EVI5L: variants seen among roughly 807,000 people sequenced by gnomAD.
EVI5L encodes the protein ecotropic viral integration site 5 like.
EVI5L carries 30 observed loss-of-function variants against 106.1 expected under a neutral mutation model. The observed-to-expected ratio is 0.28, with a 90% CI of 0.21 to 0.38. The LOEUF (loss-of-function observed/expected upper bound fraction) is 0.38. Ranked by LOEUF, EVI5L falls within the 10% of genes least tolerant of loss-of-function variation. The probability of loss-of-function intolerance (pLI) is 1.00; values close to 1 mark genes in which losing one functional copy is unlikely to be tolerated. For synonymous variants in EVI5L, 489 were observed against 483.3 expected (o/e 1.01, Z -0.15); for missense variants, 809 against 1,098.0 (o/e 0.74, Z 3.72).
At position 7,835,235 on chromosome 19, in the gene EVI5L, C is replaced by T. The variant is rs1030074159; in HGVS notation, c.-48+4854C>T. ...AGAAAGTGGTAGAGGAGGCCAGGAG[C>T]GGTGGCTCACACCTGTAATCCCAGT... is the stretch of plus-strand genomic sequence containing the variant. On this transcript the variant is annotated intron_variant, in intron 1 of 19. Coordinates refer to ENST00000538904, the MANE Select transcript of EVI5L (RefSeq NM_001159944.3). The surrounding 1 kb of genome is among the most constrained non-coding windows in gnomAD (Gnocchi z 4.1). 9.2e-5 allele frequency among the ~76,000 whole-genome samples: 14 copies of T among 152,118 alleles called. No individual in the cohort carries two copies. The highest frequency in any genetic ancestry group is 1.6e-4 in the Non-Finnish European group (11 of 67,998).
In EVI5L at chr19:7,846,483, C is replaced by T. The variant is rs1429141520; in HGVS notation, c.-47-13C>T. On this transcript the variant is annotated splice_polypyrimidine_tract_variant and intron_variant, in intron 1 of 19. Coordinates refer to ENST00000538904, the MANE Select transcript of EVI5L (RefSeq NM_001159944.3). ...CCCACCCAATGCCGACCACGCATGTCTCTGGCCCCCAGACAGAGCTGTGAA... is the reference window on the plus strand; with the variant it reads ...CCCACCCAATGCCGACCACGCATGTTTCTGGCCCCCAGACAGAGCTGTGAA... 1.3e-6 allele frequency: 2 copies of T among 1,545,066 alleles called. No homozygotes were observed. Among genetic ancestry groups the T allele is most frequent in the Non-Finnish European group, 1.7e-6 (2 of 1,145,954 alleles).
At chr19:7,851,106 C>G (rs1979228217) in intron 6 of EVI5L, among the ~76,000 whole-genome samples, 2 of 152,100 alleles carry the variant, frequency 1.3e-5, no homozygotes, top group Non-Finnish European at 2.9e-5. Flanking sequence ...GGGAGTGACC[C>G]AACTCCCCCA....
rs1979340821 is a variant in EVI5L, at chr19:7,853,133, G to A, written c.1035G>A (p.Lys345=). The A allele has an allele frequency of 6.2e-7, 1 of 1,613,886 alleles. No homozygotes were observed. The highest frequency in any genetic ancestry group is 1.7e-5 in the Admixed American group (1 of 60,008). ...ACCAGTTCGACAGCTGCCCGGACAA[G>A]CTGGTCCTCAAAGCCTACCAGGTCA... ...IPHQFDSCPD[K]LVLKAYQVKY... Residue 345 remains lysine (K), a synonymous_variant, in exon 9 of 20, where the codon AAG becomes AAA. Coordinates refer to ENST00000538904, the MANE Select transcript of EVI5L (RefSeq NM_001159944.3).
Position 7,861,889 on chromosome 19 carries a change from G to A in EVI5L, c.1515G>A (p.Ser505=), listed in dbSNP as rs945115152. Reference sequence around the variant, plus strand: ...CACTCTTCCCGCAGAGGAACAGCTCGCTGCCCGACGAGAACAATGTGGCGC... The same window carrying A: ...CACTCTTCCCGCAGAGGAACAGCTCACTGCCCGACGAGAACAATGTGGCGC... ...KVLDMEKRNS[S]LPDENNVAQL... Residue 505 remains serine, a synonymous_variant, in exon 15 of 20, where the codon TCG becomes TCA. Transcript: ENST00000538904. 3 of 1,550,838 alleles carry A rather than the reference G, an allele frequency of 1.9e-6. No individual in the cohort carries two copies. The highest frequency in any genetic ancestry group is 1.7e-4 in the Middle Eastern group (1 of 5,986).
rs1963265903 is a variant in EVI5L, at chr19:7,848,786, A to T, written c.328-135A>T. The T allele has an allele frequency of 1.3e-6, 1 of 795,198 alleles. No individual in the cohort carries two copies. Among genetic ancestry groups the T allele is most frequent in the African/African-American group, 1.7e-5 (1 of 57,462 alleles). 49.3% of individuals were successfully genotyped at this position (795,198 alleles called of 1,614,324 possible). On this transcript the variant is annotated intron_variant, in intron 3 of 19. Transcript: ENST00000538904. The surrounding 1 kb of genome is among the most constrained non-coding windows in gnomAD (Gnocchi z 4.8). ...CCTGTCTCTGAAAAAAGGGGGTAAA[A>T]AAAGGATTGGGGACCATGAGTTCTG...
At chr19:7,862,361 T>G (rs768411661) in intron 16 of EVI5L, 27 bp from the exon 17 acceptor site, 7 of 1,585,030 alleles carry the variant, frequency 4.4e-6, no homozygotes, top group South Asian at 1.1e-5. Flanking sequence ...GCCGCCGTCC[T>G]CCGTCCTCCC....
intron 1 of EVI5L, among the ~76,000 whole-genome samples, chr19:7,843,110 GGT>G (rs148644716): frequency 0.081 from 11,988 of 147,658 alleles, 513 homozygotes; most frequent in East Asian, 0.1. Flanking sequence ...AATAGGCATG[GGT>G]GTGTGTGTCA....
rs1416353773 is a variant in EVI5L at position 7,858,506 on chromosome 19, C to T, written c.1374+175C>T. Reference sequence around the variant, plus strand: ...CGCAGATTCTCCCCCAGCAGCTCCACATTCTGAGACATCCTGATATCCATT... The same window carrying T: ...CGCAGATTCTCCCCCAGCAGCTCCATATTCTGAGACATCCTGATATCCATT... On this transcript the variant is annotated intron_variant, in intron 13 of 19. Transcript: ENST00000538904. This position sits in a 1 kb window ranked among gnomAD's most constrained non-coding sequence, Gnocchi z 5.7. 2 of 759,028 alleles carry T rather than the reference C, an allele frequency of 2.6e-6. No homozygotes were observed. The highest frequency in any genetic ancestry group is 1.8e-5 in the African/African-American group (1 of 56,518). The allele number at this position is 759,028 out of a possible 1,614,324, so 47.0% of individuals were successfully genotyped here.
Position 7,856,212 on chromosome 19 carries a change from C to T in EVI5L, c.1200+144C>T, listed in dbSNP as rs762901313. The T allele has an allele frequency of 1.2e-5, 9 of 766,922 alleles. No homozygotes were observed. The highest frequency in any genetic ancestry group is 3.3e-5 in the East Asian group (1 of 30,010). 47.5% of individuals were successfully genotyped at this position (766,922 alleles called of 1,614,324 possible). Reference sequence around the variant, plus strand: ...AGCCCTACCTTCCTGCCCCAGGACCCGACCTGAACCCGATTTGGAGTGCCC... The same window carrying T: ...AGCCCTACCTTCCTGCCCCAGGACCTGACCTGAACCCGATTTGGAGTGCCC... On this transcript the variant is annotated intron_variant, in intron 11 of 19. Transcript: ENST00000538904. This position sits in a 1 kb window ranked among gnomAD's most constrained non-coding sequence, Gnocchi z 6.6.
chr19:7,844,879 G>A (rs11672003), intron 1 of EVI5L, among the ~76,000 whole-genome samples: 32,591 of 152,058 alleles, frequency 0.21, 4,430 homozygotes, highest in South Asian at 0.33. Flanking sequence ...AAAGAATGGC[G>A]CACCTCCCCC....
chr19:7,847,288 G>T (rs558376512), intron 2 of EVI5L, among the ~76,000 whole-genome samples: 1 of 150,532 alleles, frequency 6.6e-6, no homozygotes, highest in Non-Finnish European at 1.5e-5. Flanking sequence ...GCAAAACTCC[G>T]TCTCAAAAAA....
intron 1 of EVI5L, among the ~76,000 whole-genome samples, chr19:7,836,555 ACT>A (rs1978350974): frequency 6.6e-6 from 1 of 151,362 alleles, no homozygotes; most frequent in Non-Finnish European, 1.5e-5. Flanking sequence ...TAGTCAAGGG[ACT>A]CTCTGTGCCA....
rs1036418292 is a variant in EVI5L at position 7,845,930 on chromosome 19, C to T, written c.-47-566C>T. 1.3e-5 allele frequency among the ~76,000 whole-genome samples: 2 copies of T among 152,242 alleles called. No homozygotes were observed. Among genetic ancestry groups the T allele is most frequent in the African/African-American group, 4.8e-5 (2 of 41,454 alleles). Reference sequence around the variant, plus strand: ...CTTCTCAACCCAAGGGGAGTCGACTCTTCTGGCCATTGGCAGCGCCAGACA... The same window carrying T: ...CTTCTCAACCCAAGGGGAGTCGACTTTTCTGGCCATTGGCAGCGCCAGACA... On this transcript the variant is annotated intron_variant, in intron 1 of 19. Transcript: ENST00000538904. The surrounding 1 kb of genome is among the most constrained non-coding windows in gnomAD (Gnocchi z 4.0).
chr19:7,858,374 G>A lies in EVI5L; in HGVS notation c.1374+43G>A, dbSNP rs200862230. ...GGGCTGCTGGGCGGGGCCATGACCC[G>A]CGCCCCCGCCCCCGCCCAACGGTTT... is the stretch of plus-strand genomic sequence containing the variant. On this transcript the variant is annotated intron_variant, in intron 13 of 19. Coordinates refer to ENST00000538904, the MANE Select transcript of EVI5L (RefSeq NM_001159944.3). This position sits in a 1 kb window ranked among gnomAD's most constrained non-coding sequence, Gnocchi z 5.7. The A allele has an allele frequency of 5.3e-6, 8 of 1,512,084 alleles. No individual in the cohort carries two copies. The African/African-American group carries it at 5.6e-5, about 11-fold the overall frequency. 93.7% of individuals were successfully genotyped at this position (1,512,084 alleles called of 1,614,324 possible).
rs200295466 is a variant in EVI5L, at chr19:7,857,471, T to TCA, written c.1233+360_1233+361dup. On this transcript the variant is annotated intron_variant, in intron 12 of 19. Transcript: ENST00000538904. The surrounding 1 kb of genome is among the most constrained non-coding windows in gnomAD (Gnocchi z 4.5). ...GGCCCTGGTGTGTGCAGTGCTGCGG[T>TCA]CACACACACACACAACACATGCACA... 33 of 471,562 alleles carry TCA rather than the reference T, an allele frequency of 7.0e-5. No homozygotes were observed. The highest frequency in any genetic ancestry group is 3.6e-4 in the East Asian group (9 of 25,206). The allele number at this position is 471,562 out of a possible 1,614,324, so 29.2% of individuals were successfully genotyped here.
chr19:7,854,572 C>G (rs999256671), intron 10 of EVI5L, among the ~76,000 whole-genome samples: 1 of 152,148 alleles, frequency 6.6e-6, no homozygotes, highest in African/African-American at 2.4e-5. Context: ...GAGTTGGAGA[C>G]CAGTCTGGGC....
At chr19:7,842,665 T>G (rs1460741663) in intron 1 of EVI5L, among the ~76,000 whole-genome samples, 1 of 151,746 alleles carries the variant, frequency 6.6e-6, no homozygotes, top group Non-Finnish European at 1.5e-5. Context: ...ATGTATCAAG[T>G]GTGTGCATGG....
Position 7,862,980 on chromosome 19 carries a change from G to A in EVI5L, c.1956G>A (p.Glu652=), listed in dbSNP as rs1474821861. The A allele has an allele frequency of 6.4e-7, 1 of 1,567,624 alleles. No individual in the cohort carries two copies. The highest frequency in any genetic ancestry group is 1.4e-5 in the African/African-American group (1 of 71,896). Residue 652 remains glutamate, a synonymous_variant, in exon 18 of 20, where the codon GAG becomes GAA. Coordinates refer to ENST00000538904, the MANE Select transcript of EVI5L (RefSeq NM_001159944.3). The part of the protein sequence containing the change: ...KQAEAECKSK[E]EVMAVRLREA... ...CAATCCCCCGACCCCAGAGCAAGGAGGAGGTGATGGCTGTGCGACTGCGGG... is the reference window on the plus strand; with the variant it reads ...CAATCCCCCGACCCCAGAGCAAGGAAGAGGTGATGGCTGTGCGACTGCGGG...
rs946968803 is a variant in EVI5L, at chr19:7,835,164, C to CA, written c.-48+4791dup. On this transcript the variant is annotated intron_variant, in intron 1 of 19. Coordinates refer to ENST00000538904, the MANE Select transcript of EVI5L (RefSeq NM_001159944.3). This position sits in a 1 kb window ranked among gnomAD's most constrained non-coding sequence, Gnocchi z 4.1. ...AAAATAAAATAAAAATAAAAATAAA[C>CA]AAAAAAAATTGAGGCAAAATACATC... Among the ~76,000 whole-genome samples, 3 of 150,554 alleles carry CA rather than the reference C, an allele frequency of 2.0e-5. No homozygotes were observed. The highest frequency in any genetic ancestry group is 6.6e-5 in the Admixed American group (1 of 15,072).
Sources: allele counts gnomAD v4.1 joint callset (sites outside exome capture counted in the v4.1 genomes callset), GRCh38; gene constraint gnomAD v4.1.1; non-coding constraint Gnocchi (gnomAD v3.1); transcripts MANE v1.5; gene names NCBI Gene and HGNC (gene_info 2026-07-23, HGNC 2026-07-21).